PHLPP2: variants seen among roughly 807,000 people sequenced by gnomAD.
PHLPP2 encodes the protein PH domain and leucine rich repeat protein phosphatase 2, also known as PH domain leucine-rich repeat-containing protein phosphatase 2.
A neutral mutation model predicts 124.9 loss-of-function variants in PHLPP2; 66 were observed. The ratio of observed to expected loss-of-function variants is 0.53; its 90% CI spans 0.43 to 0.65. The LOEUF is 0.65. PHLPP2 is among the 30% of genes least tolerant of loss of function. The pLI is 0.00. For synonymous variants in PHLPP2, 681 were observed against 624.7 expected (o/e 1.09, Z -1.34); for missense variants, 1,685 against 1,600.4 (o/e 1.05, Z -0.90).
intron 9 of PHLPP2, among the ~76,000 whole-genome samples, chr16:71,675,254 T>C (rs2044935576): frequency 6.6e-6 from 1 of 152,192 alleles, no homozygotes; most frequent in Admixed American, 6.5e-5. Flanking sequence ...TTTTTTTAAA[T>C]GTGATGAGTA....
chr16:71,679,246 G>T, intron 7 of PHLPP2, 143 bp downstream of exon 7: 1 of 730,292 alleles, frequency 1.4e-6, no homozygotes. Context: ...ATATCTCTGA[G>T]GTCAAAAACT....
intron 18 of PHLPP2, among the ~76,000 whole-genome samples, chr16:71,651,563 T>G (rs966261851): frequency 4.6e-5 from 7 of 152,086 alleles, no homozygotes; most frequent in Non-Finnish European, 8.8e-5. Flanking sequence ...AACTAAAAAT[T>G]TAAAACACTA....
chr16:71,721,482 T>C (rs1476752483), intron 1 of PHLPP2, among the ~76,000 whole-genome samples: 3 of 152,206 alleles, frequency 2.0e-5, no homozygotes, highest in Non-Finnish European at 4.4e-5. Flanking sequence ...CATGTGCCTA[T>C]AGTCCTAGCT....
rs1567609663 is a variant in PHLPP2 at position 71,647,762 on chromosome 16, A to T, written c.*1128T>A. Reference sequence around the variant, plus strand: ...AATTCTCTTTTTCTGATCTAGGGAGAAGTAGTCTAGGTCCTCACGCCTTCC... The same window carrying T: ...AATTCTCTTTTTCTGATCTAGGGAGTAGTAGTCTAGGTCCTCACGCCTTCC... On this transcript the variant is annotated 3_prime_UTR_variant, in exon 19 of 19. Transcript: ENST00000568954. 2 of 152,084 alleles carry T rather than the reference A, an allele frequency of 1.3e-5. No homozygotes were observed. Among genetic ancestry groups the T allele is most frequent in the Admixed American group, 6.5e-5 (1 of 15,276 alleles). 9.4% of individuals were successfully genotyped at this position (152,084 alleles called of 1,614,324 possible). A position where few individuals can be genotyped will look rare whatever the true frequency, so the allele number is the denominator to read the frequency against.
intron 1 of PHLPP2, among the ~76,000 whole-genome samples, chr16:71,720,410 G>A (rs897256411): frequency 7.2e-5 from 11 of 152,118 alleles, no homozygotes; most frequent in Admixed American, 2.6e-4. Context: ...TAGCCACTGT[G>A]CCCAGCCCAG....
At position 71,654,991 on chromosome 16, in the gene PHLPP2, T is replaced by C. The variant is rs146023786; in HGVS notation, c.2585+249A>G. On this transcript the variant is annotated intron_variant, in intron 17 of 18. Coordinates refer to ENST00000568954, the MANE Select transcript of PHLPP2 (RefSeq NM_015020.3). ...ATATACACACACAACATTTTGCACA[T>C]AAATTCTGGGCTTCCCAGATCCTCA... 373 of 448,774 alleles carry C rather than the reference T, an allele frequency of 8.3e-4. 2 individuals are homozygous for C. The highest frequency in any genetic ancestry group is 6.7e-3 in the African/African-American group (345 of 51,854). 27.8% of individuals were successfully genotyped at this position (448,774 alleles called of 1,614,324 possible).
chr16:71,714,903 T>G lies in PHLPP2; in HGVS notation c.-6-102A>C, dbSNP rs1239578148. On this transcript the variant is annotated intron_variant, in intron 1 of 18. Transcript: ENST00000568954. ...CTCTCTACTTTATATTCCCCAACAT[T>G]CTGCTCAAGTATCCCCTCCTTTTGT... is the stretch of plus-strand genomic sequence containing the variant. 1.0e-5 allele frequency: 14 copies of G among 1,399,186 alleles called. No homozygotes were observed. In the South Asian group the frequency reaches 1.0e-4, roughly 10 times the overall value. 86.7% of individuals were successfully genotyped at this position (1,399,186 alleles called of 1,614,324 possible).
intron 3 of PHLPP2, among the ~76,000 whole-genome samples, chr16:71,701,951 G>A (rs564889063): frequency 6.6e-6 from 1 of 152,218 alleles, no homozygotes; most frequent in South Asian, 2.1e-4. Flanking sequence ...AGTACTATCT[G>A]CAATTTCAGT....
intron 14 of PHLPP2, 39 bp downstream of exon 14, chr16:71,658,614 T>C: frequency 6.3e-7 from 1 of 1,585,308 alleles, no homozygotes; most frequent in Non-Finnish European, 8.6e-7. Flanking sequence ...CTCCTGCCAT[T>C]TCCCCCAATA....
rs1308855528 is a variant in PHLPP2, at chr16:71,656,552, C to T, written c.2390+19G>A. On this transcript the variant is annotated intron_variant, in intron 16 of 18. Transcript: ENST00000568954. ...GGCTGCCTTTTTTCTTTCTCAGTCT[C>T]CATGGCCAATATACTCACTTATTTC... 2.0e-6 allele frequency: 3 copies of T among 1,467,586 alleles called. No individual in the cohort carries two copies. The Admixed American group carries it at 5.0e-5, about 25-fold the overall frequency. The allele number at this position is 1,467,586 out of a possible 1,614,324, so 90.9% of individuals were successfully genotyped here.
chr16:71,655,509 T>TC, intron 16 of PHLPP2, 75 bp from the exon 17 acceptor site: 1 of 1,181,320 alleles, frequency 8.5e-7, no homozygotes, highest in South Asian at 1.5e-5. Flanking sequence ...CATTCTTTTT[T>TC]TTTTTTTTTT....
Position 71,664,096 on chromosome 16 carries a change from G to A in PHLPP2, c.1788C>T (p.Leu596=). 1 of 1,606,800 alleles carries A rather than the reference G, an allele frequency of 6.2e-7. No homozygotes were observed. Residue 596 remains leucine (L), a synonymous_variant, in exon 13 of 19, where the codon CTC becomes CTT. Coordinates refer to ENST00000568954, the MANE Select transcript of PHLPP2 (RefSeq NM_015020.3). ...PDTLFSKALN[L]RYLNASANSL... is the part of the protein sequence containing the mutation. ...TATTTGCAGATGCATTCAAGTATCT[G>A]AGACTGACAGAACACACACAGATCA...
intron 1 of PHLPP2, among the ~76,000 whole-genome samples, chr16:71,716,498 T>G (rs994564457): frequency 6.6e-6 from 1 of 152,236 alleles, no homozygotes. Context: ...ATAACAAGTT[T>G]CTAAAGATCA....
chr16:71,685,877 C>CAT lies in PHLPP2; in HGVS notation c.610-1278_610-1277dup. ...TACAGATGTTGAAATTATATTGTTA[C>CAT]ATATATATAACTTTGGAATTATTAA... is the stretch of plus-strand genomic sequence containing the variant. On this transcript the variant is annotated intron_variant, in intron 4 of 18. Transcript: ENST00000568954. Among the ~76,000 whole-genome samples, 3 of 152,258 alleles carry CAT rather than the reference C, an allele frequency of 2.0e-5. No individual in the cohort carries two copies. In the East Asian group the frequency reaches 5.8e-4, roughly 29 times the overall value.
chr16:71,659,247 A>AT (rs11357819), intron 13 of PHLPP2, among the ~76,000 whole-genome samples: 73 of 89,810 alleles, frequency 8.1e-4, no homozygotes, highest in African/African-American at 9.7e-4. Context: ...CATCACAAAG[A>AT]TTTTTTTTTT....
At chr16:71,685,907 T>G (rs570048598) in intron 4 of PHLPP2, among the ~76,000 whole-genome samples, 52 of 152,334 alleles carry the variant, frequency 3.4e-4, no homozygotes, top group Non-Finnish European at 6.0e-4. Context: ...TATTAAATAT[T>G]CATGGTAAAA....
At chr16:71,692,133 G>C (rs1267647559) in intron 3 of PHLPP2, among the ~76,000 whole-genome samples, 4 of 151,724 alleles carry the variant, frequency 2.6e-5, no homozygotes, top group African/African-American at 4.8e-5. Context: ...GCAGTGGCGC[G>C]ATCTCGGCTC....
intron 3 of PHLPP2, among the ~76,000 whole-genome samples, chr16:71,693,530 T>G (rs916434195): frequency 1.3e-5 from 2 of 152,202 alleles, no homozygotes; most frequent in African/African-American, 4.8e-5. Flanking sequence ...GTTCAGATCC[T>G]TATCAATTCA....
intron 9 of PHLPP2, 138 bp from the exon 10 acceptor site, chr16:71,672,460 CT>C: frequency 1.5e-6 from 1 of 656,194 alleles, no homozygotes. Flanking sequence ...AAGACAAAAA[CT>C]ACTGAAAACT....
Sources: gnomAD v4.1 joint callset for allele counts (sites outside exome capture counted in the v4.1 genomes callset) on GRCh38, gnomAD v4.1.1 for gene constraint, MANE v1.5 for transcripts, NCBI Gene and HGNC (gene_info 2026-07-23, HGNC 2026-07-21) for gene names.